The following NPAS3 variants were observed in gnomAD, a reference collection of about 807,000 sequenced individuals.
The protein encoded by NPAS3 is neuronal PAS domain protein 3, also known as neuronal PAS domain-containing protein 3.
In NPAS3, 14 loss-of-function variants were observed where a neutral mutation model predicts 73.1. The ratio of observed to expected loss-of-function variants is 0.19; its 90% CI spans 0.13 to 0.30. The LOEUF is 0.30. Ranked by LOEUF, NPAS3 falls within the 10% of genes least tolerant of loss-of-function variation. The probability of loss-of-function intolerance (pLI) is 1.00; values close to 1 mark genes in which losing one functional copy is unlikely to be tolerated. For synonymous variants in NPAS3, 620 were observed against 541.5 expected (o/e 1.14, Z -2.01); for missense variants, 1,096 against 1,250.0 (o/e 0.88, Z 1.86).
At position 33,551,862 on chromosome 14, in the gene NPAS3, G is replaced by A. The variant is rs982375520; in HGVS notation, c.469-8259G>A. ...GTTTTCCAAATCGAGCACTCCACGCGTTTCCCCAAAACAACACCAACCTGC... is the reference window on the plus strand; with the variant it reads ...GTTTTCCAAATCGAGCACTCCACGCATTTCCCCAAAACAACACCAACCTGC... On this transcript the variant is annotated intron_variant, in intron 4 of 11. Transcript: ENST00000356141. Among the ~76,000 whole-genome samples, 35 of 152,286 alleles carry A rather than the reference G, an allele frequency of 2.3e-4. 1 individual carries two copies. The highest frequency in any genetic ancestry group is 6.5e-4 in the African/African-American group (27 of 41,556).
intron 7 of NPAS3, among the ~76,000 whole-genome samples, chr14:33,769,978 T>A (rs150020107): frequency 6.6e-6 from 1 of 152,104 alleles, no homozygotes; most frequent in East Asian, 1.9e-4. Flanking sequence ...TTGCCCAAGC[T>A]GGTCTTGAAC....
At chr14:33,247,149 TTTAATGTACATTCTATC>T (rs1453404016) in intron 3 of NPAS3, among the ~76,000 whole-genome samples, 1 of 146,968 alleles carries the variant, frequency 6.8e-6, no homozygotes, top group East Asian at 1.9e-4. Context: ...AAGAGAGTAC[TTTAATGTACATTCTATC>T]TTAGAATATA....
At chr14:33,798,173 C>T (rs577668251) in intron 11 of NPAS3, among the ~76,000 whole-genome samples, 1 of 152,258 alleles carries the variant, frequency 6.6e-6, no homozygotes, top group African/African-American at 2.4e-5. Context: ...TCGATCAATG[C>T]CTCTTTCAGG....
At chr14:33,162,360 A>G (rs1232560920) in intron 2 of NPAS3, among the ~76,000 whole-genome samples, 1 of 152,204 alleles carries the variant, frequency 6.6e-6, no homozygotes, top group East Asian at 1.9e-4. Context: ...CCCAGGCATC[A>G]TATCTTTACA....
At chr14:33,456,383 A>G (rs534356334) in intron 4 of NPAS3, among the ~76,000 whole-genome samples, 1 of 152,274 alleles carries the variant, frequency 6.6e-6, no homozygotes, top group South Asian at 2.1e-4. Flanking sequence ...TGATTTGTTG[A>G]CAAATGATAA....
chr14:33,645,672 T>C (rs1182667878), intron 5 of NPAS3, among the ~76,000 whole-genome samples: 1 of 152,166 alleles, frequency 6.6e-6, no homozygotes, highest in Non-Finnish European at 1.5e-5. Flanking sequence ...CCTGGCAAAA[T>C]GGAGCTGCCA....
chr14:33,208,243 TTTATTCAAGGG>T (rs1489657563), intron 2 of NPAS3, among the ~76,000 whole-genome samples: 4 of 152,156 alleles, frequency 2.6e-5, no homozygotes, highest in Admixed American at 2.0e-4. Flanking sequence ...CTTGCTGTGG[TTTATTCAAGGG>T]TTATTTGAAT....
At chr14:33,311,453 A>C (rs2042999554) in intron 3 of NPAS3, among the ~76,000 whole-genome samples, 2 of 152,178 alleles carry the variant, frequency 1.3e-5, no homozygotes, top group South Asian at 2.1e-4. Context: ...TATATCCTAC[A>C]ACTTCTGGTC....
chr14:33,379,499 GC>G (rs1204851057), intron 4 of NPAS3, among the ~76,000 whole-genome samples: 2 of 152,278 alleles, frequency 1.3e-5, no homozygotes, highest in African/African-American at 4.8e-5. Context: ...CTTTAGAGTA[GC>G]CCTTGGTGGT....
chr14:33,068,788 C>T lies in NPAS3; in HGVS notation c.140+12794C>T, dbSNP rs181141493. Reference sequence around the variant, plus strand: ...GGAGTTAGGCATTCACATAGCCAGGCGAAAACATTCCAGGTAGAATGGACA... The same window carrying T: ...GGAGTTAGGCATTCACATAGCCAGGTGAAAACATTCCAGGTAGAATGGACA... On this transcript the variant is annotated intron_variant, in intron 2 of 11. Transcript: ENST00000356141. 2.6e-3 allele frequency among the ~76,000 whole-genome samples: 400 copies of T among 152,142 alleles called. 2 individuals are homozygous for T. Among genetic ancestry groups the T allele is most frequent in the African/African-American group, 8.6e-3 (356 of 41,492 alleles).
intron 3 of NPAS3, among the ~76,000 whole-genome samples, chr14:33,328,394 T>G (rs1383327657): frequency 7.0e-6 from 1 of 142,858 alleles, no homozygotes; most frequent in African/African-American, 2.9e-5. Context: ...TTTTTCCTGT[T>G]TTTTCTCTAT....
At chr14:33,731,440 A>G (rs977590008) in intron 6 of NPAS3, among the ~76,000 whole-genome samples, 2 of 134,372 alleles carry the variant, frequency 1.5e-5, no homozygotes, top group African/African-American at 2.9e-5. Flanking sequence ...AAAAAAAAAA[A>G]GAGAGAGAGA....
chr14:33,668,082 G>A (rs1415109239), intron 5 of NPAS3, among the ~76,000 whole-genome samples: 2 of 152,154 alleles, frequency 1.3e-5, no homozygotes, highest in Non-Finnish European at 2.9e-5. Context: ...AGCTGCAATA[G>A]CATTGACATG....
intron 3 of NPAS3, among the ~76,000 whole-genome samples, chr14:33,227,283 TCTGGTAGG>T (rs201639074): frequency 0.019 from 2,935 of 152,300 alleles, 42 homozygotes; most frequent in Middle Eastern, 0.075. Context: ...GTGATTCACA[TCTGGTAGG>T]CAATCAGACT....
At chr14:33,731,067 G>A (rs1199022024) in intron 6 of NPAS3, among the ~76,000 whole-genome samples, 1 of 151,926 alleles carries the variant, frequency 6.6e-6, no homozygotes, top group African/African-American at 2.4e-5. Context: ...TCACACATCA[G>A]GATTTGGTGG....
At chr14:33,191,800 G>A (rs1261875402) in intron 2 of NPAS3, among the ~76,000 whole-genome samples, 1 of 152,128 alleles carries the variant, frequency 6.6e-6, no homozygotes, top group African/African-American at 2.4e-5. Context: ...AGTGGCAGAT[G>A]GCCACACAAA....
intron 3 of NPAS3, among the ~76,000 whole-genome samples, chr14:33,348,815 A>G (rs773437721): frequency 1.3e-5 from 2 of 152,046 alleles, no homozygotes; most frequent in Non-Finnish European, 2.9e-5. Context: ...GTCATTAGGG[A>G]TGTCGCAGGT....
intron 3 of NPAS3, among the ~76,000 whole-genome samples, chr14:33,343,362 A>C (rs780609580): frequency 1.4e-4 from 21 of 152,118 alleles, no homozygotes; most frequent in Non-Finnish European, 2.1e-4. Context: ...AATTGTAGAG[A>C]TTCTCATTTC....
At chr14:32,937,899 G>T (rs1191577312), upstream of NPAS3, among the ~76,000 whole-genome samples, 1 of 152,064 alleles carries the variant, frequency 6.6e-6, no homozygotes, top group African/African-American at 2.4e-5. Context: ...TGGAGAAAAC[G>T]CTCTGACCAG....
Sources: gnomAD v4.1 joint callset for allele counts (sites outside exome capture counted in the v4.1 genomes callset) on GRCh38, gnomAD v4.1.1 for gene constraint, MANE v1.5 for transcripts, NCBI Gene and HGNC (gene_info 2026-07-23, HGNC 2026-07-21) for gene names.